The following PTPRD variants were observed in gnomAD, a reference collection of about 807,000 sequenced individuals.
PTPRD encodes receptor-type tyrosine-protein phosphatase delta.
PTPRD carries 34 observed loss-of-function variants against 214.5 expected under a neutral mutation model. That is an observed-to-expected ratio of 0.16 (90% CI 0.12 to 0.21). The LOEUF (loss-of-function observed/expected upper bound fraction) is 0.21. Ranked by LOEUF, PTPRD falls within the 10% of genes least tolerant of loss-of-function variation. The probability of loss-of-function intolerance (pLI) is 1.00; values close to 1 mark genes in which losing one functional copy is unlikely to be tolerated. For missense variants in PTPRD, 2,545 were observed against 2,398.7 expected (o/e 1.06, Z -1.27); for synonymous variants, 1,128 against 845.7 (o/e 1.33, Z -5.79).
intron 10 of PTPRD, among the ~76,000 whole-genome samples, chr9:9,173,810 C>T (rs1032154001): frequency 7.9e-5 from 12 of 152,046 alleles, no homozygotes; most frequent in African/African-American, 1.9e-4. Flanking sequence ...CTAATATACC[C>T]GATACTTTGC....
intron 3 of PTPRD, among the ~76,000 whole-genome samples, chr9:10,331,912 AT>A (rs2096757638): frequency 6.6e-6 from 1 of 151,840 alleles, no homozygotes; most frequent in South Asian, 2.1e-4. Flanking sequence ...TCTAGGAAAT[AT>A]TTACTGAGTT....
intron 7 of PTPRD, among the ~76,000 whole-genome samples, chr9:9,609,569 T>C (rs1445704949): frequency 6.6e-6 from 1 of 152,146 alleles, no homozygotes; most frequent in Non-Finnish European, 1.5e-5. Context: ...TTCAAGCAAT[T>C]CTCGTGCCTC....
At chr9:8,933,355 T>TTTTTTTTTTTTTTTTTTTTTTG (rs1381785212) in intron 11 of PTPRD, among the ~76,000 whole-genome samples, 1 of 147,326 alleles carries the variant, frequency 6.8e-6, no homozygotes, top group Non-Finnish European at 1.5e-5. Context: ...TTTTTTTTTT[T>TTTTTTTTTTTTTTTTTTTTTTG]TTTTTTTTAC....
At chr9:9,713,933 A>T (rs2097776195) in intron 7 of PTPRD, among the ~76,000 whole-genome samples, 1 of 152,032 alleles carries the variant, frequency 6.6e-6, no homozygotes, top group African/African-American at 2.4e-5. Flanking sequence ...TCTCAAAAGA[A>T]CTTCCAGGAA....
At chr9:10,294,434 G>A (rs2095616963) in intron 3 of PTPRD, among the ~76,000 whole-genome samples, 1 of 151,920 alleles carries the variant, frequency 6.6e-6, no homozygotes, top group Admixed American at 6.6e-5. Context: ...TTTATGTGGT[G>A]CTTTCCACAA....
intron 10 of PTPRD, among the ~76,000 whole-genome samples, chr9:9,057,995 G>C (rs1466748345): frequency 6.6e-6 from 1 of 152,120 alleles, no homozygotes; most frequent in Non-Finnish European, 1.5e-5. Flanking sequence ...AGGATTTCCT[G>C]ATATTTATAA....
At chr9:9,801,737 G>T (rs1243238830) in intron 5 of PTPRD, among the ~76,000 whole-genome samples, 1 of 151,958 alleles carries the variant, frequency 6.6e-6, no homozygotes, top group African/African-American at 2.4e-5. Flanking sequence ...ACTATTAAAG[G>T]TTAAATTCAC....
intron 14 of PTPRD, among the ~76,000 whole-genome samples, chr9:8,584,679 G>T (rs951530138): frequency 6.6e-6 from 1 of 152,136 alleles, no homozygotes; most frequent in African/African-American, 2.4e-5. Context: ...TTCCTAATAA[G>T]TTGGGTGTAA....
intron 35 of PTPRD, among the ~76,000 whole-genome samples, chr9:8,421,384 C>CTCTT (rs937587592): frequency 1.3e-5 from 2 of 151,556 alleles, no homozygotes; most frequent in South Asian, 2.1e-4. Context: ...CTCTCTCTCT[C>CTCTT]TCTTTCTTTC....
intron 3 of PTPRD, among the ~76,000 whole-genome samples, chr9:10,182,275 A>AAAAAG (rs1564371170): frequency 1.3e-5 from 2 of 150,490 alleles, no homozygotes; most frequent in African/African-American, 2.4e-5. Flanking sequence ...AAAAAAAAAA[A>AAAAAG]AAAAGAAAAG....
intron 11 of PTPRD, among the ~76,000 whole-genome samples, chr9:9,009,681 G>T (rs1481079319): frequency 1.3e-5 from 2 of 152,030 alleles, no homozygotes; most frequent in Non-Finnish European, 2.9e-5. Context: ...GATGACATTG[G>T]TGTATCTGTG....
intron 3 of PTPRD, among the ~76,000 whole-genome samples, chr9:10,315,808 G>C (rs1020470441): frequency 6.6e-6 from 1 of 151,882 alleles, no homozygotes; most frequent in African/African-American, 2.4e-5. Flanking sequence ...CACTCAAGCT[G>C]GTTGATCCCC....
chr9:8,892,673 GTA>G (rs200105490), intron 11 of PTPRD, among the ~76,000 whole-genome samples: 1 of 115,220 alleles, frequency 8.7e-6, no homozygotes, highest in Non-Finnish European at 1.8e-5. Context: ...ATATATATGT[GTA>G]TATATATATG....
chr9:9,852,655 G>A (rs763777816), intron 5 of PTPRD, among the ~76,000 whole-genome samples: 30 of 151,850 alleles, frequency 2.0e-4, no homozygotes, highest in Non-Finnish European at 3.8e-4. Flanking sequence ...ATAAGATAAA[G>A]ATTATTCCTT....
At chr9:8,807,134 C>T (rs1001749659) in intron 11 of PTPRD, among the ~76,000 whole-genome samples, 7 of 152,148 alleles carry the variant, frequency 4.6e-5, no homozygotes, top group Admixed American at 6.5e-5. Flanking sequence ...CTCAGGAGTT[C>T]GAGACCAGCC....
intron 3 of PTPRD, among the ~76,000 whole-genome samples, chr9:10,162,336 T>C (rs902902397): frequency 1.3e-5 from 2 of 151,572 alleles, no homozygotes; most frequent in African/African-American, 4.8e-5. Flanking sequence ...AAATGTGATA[T>C]ATATACACAA....
At chr9:9,411,346 C>G (rs1420810935) in intron 8 of PTPRD, among the ~76,000 whole-genome samples, 4 of 149,644 alleles carry the variant, frequency 2.7e-5, no homozygotes, top group African/African-American at 7.4e-5. Flanking sequence ...GATTACCACC[C>G]AAATATAAAA....
At chr9:10,567,383 C>T (rs1282219917) in intron 2 of PTPRD, among the ~76,000 whole-genome samples, 1 of 151,682 alleles carries the variant, frequency 6.6e-6, no homozygotes, top group African/African-American at 2.4e-5. Flanking sequence ...AGCTTTTCTG[C>T]AAAAAATAAT....
chr9:9,165,499 T>C (rs1592746709), intron 10 of PTPRD, among the ~76,000 whole-genome samples: 1 of 152,290 alleles, frequency 6.6e-6, no homozygotes, highest in African/African-American at 2.4e-5. Context: ...AAGTCAGAAA[T>C]GGCTGCTGTT....
Sources: allele counts gnomAD v4.1 joint callset (sites outside exome capture counted in the v4.1 genomes callset), GRCh38; gene constraint gnomAD v4.1.1; transcripts MANE v1.5; gene names NCBI Gene and HGNC (gene_info 2026-07-23, HGNC 2026-07-21).